Variants in NEBL observed in about 807,000 individuals in gnomAD.
NEBL encodes the protein nebulette.
Under a neutral mutation model 140.2 loss-of-function variants are expected in NEBL, and 122 were observed. The ratio of observed to expected loss-of-function variants is 0.87; its 90% CI spans 0.75 to 1.01. The LOEUF is 1.01. Among genes scored for constraint, NEBL ranks in the 50% least tolerant of loss-of-function variants. The pLI, the probability that NEBL is intolerant of heterozygous loss-of-function variation, is 0.00. For missense variants in NEBL, 1,365 were observed against 1,231.3 expected (o/e 1.11, Z -1.62); for synonymous variants, 436 against 398.9 (o/e 1.09, Z -1.11).
rs765381280 is a variant in NEBL, at chr10:20,813,938, C to G, written c.2346+1G>C. 6.4e-7 allele frequency: 1 copy of G among 1,563,642 alleles called. No homozygotes were observed. ...TTAAGAATGATCTGGTTGGACCCTA[C>G]CATTGAAATATGATTTTGTGCTTCT... On this transcript the variant is annotated splice_donor_variant, in intron 23 of 27. Transcript: ENST00000377122. LOFTEE classifies it high-confidence loss of function.
chr10:20,944,355 A>G (rs10828161), intron 4 of NEBL, among the ~76,000 whole-genome samples: 123,380 of 152,086 alleles, frequency 0.81, 50,377 homozygotes, highest in Admixed American at 0.9. Flanking sequence ...AGCCAAGATC[A>G]CGTGACTGCA....
chr10:20,854,561 CTTTTTTTTTTTT>C (rs71390794), intron 9 of NEBL, among the ~76,000 whole-genome samples: 5 of 107,260 alleles, frequency 4.7e-5, no homozygotes, highest in African/African-American at 1.6e-4. Flanking sequence ...TCATATAGTA[CTTTTTTTTTTTT>C]TTTTTTTTTT....
intron 3 of NEBL, among the ~76,000 whole-genome samples, chr10:21,188,699 C>A (rs1203308593): frequency 2.7e-5 from 4 of 150,162 alleles, no homozygotes; most frequent in Non-Finnish European, 5.9e-5. Flanking sequence ...CTCCCGGGTT[C>A]CAGCAATTTT....
chr10:20,964,208 G>A (rs1212999933), intron 3 of NEBL, among the ~76,000 whole-genome samples: 1 of 152,142 alleles, frequency 6.6e-6, no homozygotes, highest in Admixed American at 6.5e-5. Flanking sequence ...ACAAGACCCT[G>A]TGATAGATCT....
chr10:20,931,269 TA>T (rs936121627), intron 4 of NEBL, among the ~76,000 whole-genome samples: 1 of 151,882 alleles, frequency 6.6e-6, no homozygotes, highest in Non-Finnish European at 1.5e-5. Context: ...ATGAGATTTT[TA>T]AAAAAAAATC....
rs1463421050 is a variant in NEBL at position 20,868,746 on chromosome 10, T to A, written c.602A>T (p.Gln201Leu). The A allele has an allele frequency of 6.2e-7, 1 of 1,607,710 alleles. No individual in the cohort carries two copies. Among genetic ancestry groups the A allele is most frequent in the South Asian group, 1.1e-5 (1 of 90,948 alleles). ...AGCGGGCTCTTTATTCATTATTCCT[T>A]GTCCTTTCTTGTATTCTGCCTAAAA... ...IISNAEYKKGQGIMNKEPAVI... is the reference protein window; with the variant it reads ...IISNAEYKKGLGIMNKEPAVI... Residue 201 changes from glutamine (Q) to leucine (L), a missense_variant, in exon 7 of 28, where the codon CAA (glutamine) becomes CTA (leucine). Physicochemically the swap from Gln to Leu is moderately radical, Grantham distance 113. This residue lies in a region of NEBL where 1,323 missense variants were observed against 1,154.8 expected (regional missense o/e 1.15). Transcript: ENST00000377122.
At chr10:21,193,755 G>A (rs1841610907) in intron 3 of NEBL, among the ~76,000 whole-genome samples, 1 of 152,114 alleles carries the variant, frequency 6.6e-6, no homozygotes, top group African/African-American at 2.4e-5. Context: ...TCTTTATACA[G>A]TCTTGTAAGG....
intron 2 of NEBL, among the ~76,000 whole-genome samples, chr10:20,892,022 T>C (rs1490009390): frequency 6.6e-6 from 1 of 152,198 alleles, no homozygotes; most frequent in Non-Finnish European, 1.5e-5. Flanking sequence ...ACTGAATAGA[T>C]TGCTATATTT....
At chr10:21,248,341 C>T (rs1254894368) in intron 2 of NEBL, among the ~76,000 whole-genome samples, 1 of 151,136 alleles carries the variant, frequency 6.6e-6, no homozygotes, top group African/African-American at 2.4e-5. Context: ...ACTATCACTA[C>T]AGCCAAACTC....
At chr10:21,118,468 G>T (rs897792870) in intron 2 of NEBL, among the ~76,000 whole-genome samples, 1 of 152,088 alleles carries the variant, frequency 6.6e-6, no homozygotes, top group East Asian at 1.9e-4. Context: ...CAAGATAATA[G>T]CACAGTATGT....
chr10:20,812,207 C>T (rs1358318272), intron 24 of NEBL, among the ~76,000 whole-genome samples: 2 of 152,064 alleles, frequency 1.3e-5, no homozygotes, highest in Non-Finnish European at 2.9e-5. Context: ...ACACGTCAAC[C>T]AAGCAGAAAA....
At chr10:21,154,715 A>C (rs1414272164) in intron 2 of NEBL, among the ~76,000 whole-genome samples, 2 of 152,212 alleles carry the variant, frequency 1.3e-5, no homozygotes, top group African/African-American at 4.8e-5. Flanking sequence ...GAATCTCTTT[A>C]TTGCCTTTAT....
At chr10:21,050,247 T>C (rs374295833) in intron 2 of NEBL, among the ~76,000 whole-genome samples, 5 of 152,248 alleles carry the variant, frequency 3.3e-5, no homozygotes, top group East Asian at 3.8e-4. Context: ...TTTTTCTGTA[T>C]TCTCACGGAA....
chr10:21,037,538 C>T (rs975341609), intron 2 of NEBL, among the ~76,000 whole-genome samples: 1 of 152,012 alleles, frequency 6.6e-6, no homozygotes, highest in Non-Finnish European at 1.5e-5. Context: ...GGTCGGGTGA[C>T]AGTCAGGGCA....
chr10:20,922,941 G>A (rs1387527787), intron 4 of NEBL, among the ~76,000 whole-genome samples: 4 of 152,206 alleles, frequency 2.6e-5, no homozygotes, highest in Non-Finnish European at 4.4e-5. Context: ...ATAAGGCAGA[G>A]GGGAGTATAG....
At chr10:21,095,251 G>A (rs529107204) in intron 2 of NEBL, among the ~76,000 whole-genome samples, 1 of 152,262 alleles carries the variant, frequency 6.6e-6, no homozygotes, top group South Asian at 2.1e-4. Context: ...CCAACAGGGA[G>A]TTATCTAGGG....
Position 20,819,469 on chromosome 10 carries a change from G to A in NEBL, c.2010C>T (p.Thr670=), listed in dbSNP as rs1445378269. 4 of 1,613,790 alleles carry A rather than the reference G, an allele frequency of 2.5e-6. No individual in the cohort carries two copies. Among genetic ancestry groups the A allele is most frequent in the Non-Finnish European group, 3.4e-6 (4 of 1,179,916 alleles). ...TTCGCCTCACTCTCTCTATCTCCGG[G>A]GTCATGCTTACCGGAGTGGCCTTGT... is the stretch of plus-strand genomic sequence containing the variant. The part of the protein sequence containing the change: ...QNYKATPVSM[T]PEIERVRRNQ... Residue 670 remains threonine (T), a synonymous_variant, in exon 20 of 28, where the codon ACC becomes ACT. Coordinates refer to ENST00000377122, the MANE Select transcript of NEBL (RefSeq NM_006393.3).
At chr10:21,063,150 C>G (rs941399502) in intron 2 of NEBL, among the ~76,000 whole-genome samples, 1 of 152,148 alleles carries the variant, frequency 6.6e-6, no homozygotes, top group African/African-American at 2.4e-5. Flanking sequence ...AAAACACACA[C>G]AGCAAGACCC....
At chr10:20,933,067 A>G (rs1834275800) in intron 4 of NEBL, among the ~76,000 whole-genome samples, 1 of 152,182 alleles carries the variant, frequency 6.6e-6, no homozygotes, top group Admixed American at 6.5e-5. Context: ...TGCATGACAA[A>G]AAAAAAAGGT....
Sources: gnomAD v4.1 joint callset for allele counts (sites outside exome capture counted in the v4.1 genomes callset) on GRCh38, gnomAD v4.1.1 for gene constraint, gnomAD v4.1.1 regional missense constraint, MANE v1.5 for transcripts, NCBI Gene and HGNC (gene_info 2026-07-23, HGNC 2026-07-21) for gene names.